Variants in DPYD observed in about 807,000 individuals in gnomAD.
DPYD encodes the protein dihydropyrimidine dehydrogenase [NADP(+)].
DPYD carries 109 observed loss-of-function variants against 116.2 expected under a neutral mutation model. The ratio of observed to expected loss-of-function variants is 0.94; its 90% CI spans 0.80 to 1.10. The LOEUF is 1.10. Ranked by LOEUF, DPYD falls within the 50% of genes least tolerant of loss-of-function variation. DPYD has a pLI of 0.00. For missense variants in DPYD, 1,302 were observed against 1,254.5 expected (o/e 1.04, Z -0.57); for synonymous variants, 440 against 432.0 (o/e 1.02, Z -0.23).
rs180693638 is a variant in DPYD, at chr1:97,838,504, T to C, written c.151-10308A>G. On this transcript the variant is annotated intron_variant, in intron 2 of 22. Transcript: ENST00000370192. ...TTCAAGTTACTCAATATTGTGTTCT[T>C]TCCAATTGTGTGTTTCCTCGGAGTA... Among the ~76,000 whole-genome samples, 223 of 152,350 alleles carry C rather than the reference T, an allele frequency of 1.5e-3. 1 individual carries two copies. Among genetic ancestry groups the C allele is most frequent in the African/African-American group, 5.1e-3 (214 of 41,582 alleles).
chr1:97,191,986 G>A lies in DPYD; in HGVS notation c.2622+1083C>T, dbSNP rs370902568. 3.0e-4 allele frequency among the ~76,000 whole-genome samples: 45 copies of A among 152,154 alleles called. No homozygotes were observed. In the East Asian group the frequency reaches 7.5e-3, roughly 25 times the overall value. On this transcript the variant is annotated intron_variant, in intron 20 of 22. Transcript: ENST00000370192. ...TATTAATGTCACAGTCTTTCTGTTT[G>A]ATTGCCACTCATGGAGTCATTCATC...
chr1:97,201,103 G>A (rs1659170199), intron 19 of DPYD, among the ~76,000 whole-genome samples: 1 of 152,010 alleles, frequency 6.6e-6, no homozygotes, highest in African/African-American at 2.4e-5. Flanking sequence ...TGAGATGAAA[G>A]TCTTACATAT....
At chr1:97,916,737 G>T (rs924330344) in intron 1 of DPYD, among the ~76,000 whole-genome samples, 4 of 152,136 alleles carry the variant, frequency 2.6e-5, no homozygotes, top group Non-Finnish European at 5.9e-5. Flanking sequence ...GCAAAGGATA[G>T]AATTTTTCTT....
At chr1:97,364,833 A>T (rs921260864) in intron 16 of DPYD, among the ~76,000 whole-genome samples, 5 of 152,124 alleles carry the variant, frequency 3.3e-5, no homozygotes, top group African/African-American at 1.2e-4. Context: ...CGTAATTTTA[A>T]TAACTTTATT....
At chr1:97,211,435 C>G (rs896286249) in intron 19 of DPYD, among the ~76,000 whole-genome samples, 6 of 152,064 alleles carry the variant, frequency 3.9e-5, no homozygotes, top group African/African-American at 1.4e-4. Flanking sequence ...ACTAATGTGC[C>G]TGGTACCCAT....
At chr1:97,680,198 G>C (rs1005874449) in intron 7 of DPYD, among the ~76,000 whole-genome samples, 1 of 152,110 alleles carries the variant, frequency 6.6e-6, no homozygotes, top group Non-Finnish European at 1.5e-5. Context: ...GGTCTGTGAA[G>C]TAAGAGCTAT....
At chr1:97,786,650 C>A (rs899156557) in intron 3 of DPYD, among the ~76,000 whole-genome samples, 2 of 152,106 alleles carry the variant, frequency 1.3e-5, no homozygotes, top group East Asian at 3.9e-4. Flanking sequence ...AGAATAGACA[C>A]CTGAAGTTTA....
chr1:97,600,836 T>C (rs2786497), intron 8 of DPYD, among the ~76,000 whole-genome samples: 2,445 of 152,286 alleles, frequency 0.016, 57 homozygotes, highest in African/African-American at 0.055. Flanking sequence ...TATTATTACA[T>C]ATTTAAGTGG....
chr1:97,288,754 C>T (rs555334327), intron 18 of DPYD, among the ~76,000 whole-genome samples: 1 of 149,450 alleles, frequency 6.7e-6, no homozygotes, highest in Non-Finnish European at 1.5e-5. Context: ...AAAATTGACA[C>T]CCTAACATCA....
intron 2 of DPYD, among the ~76,000 whole-genome samples, chr1:97,838,638 G>A (rs1669890519): frequency 6.6e-6 from 1 of 151,906 alleles, no homozygotes; most frequent in Admixed American, 6.6e-5. Flanking sequence ...GAGGTCAGGA[G>A]ATCGAGACCA....
chr1:97,142,440 T>C (rs910175206), intron 20 of DPYD, among the ~76,000 whole-genome samples: 1 of 152,012 alleles, frequency 6.6e-6, no homozygotes, highest in Admixed American at 6.6e-5. Flanking sequence ...CGAATCTCTC[T>C]TTTTCTCAAG....
At chr1:97,195,634 G>GTGTA (rs1557929544) in intron 19 of DPYD, among the ~76,000 whole-genome samples, 4 of 57,734 alleles carry the variant, frequency 6.9e-5, no homozygotes, top group African/African-American at 1.9e-4. Flanking sequence ...ATATGTATGT[G>GTGTA]TATATATATA....
chr1:97,126,671 C>T (rs1652866833), intron 20 of DPYD, among the ~76,000 whole-genome samples: 1 of 152,160 alleles, frequency 6.6e-6, no homozygotes, highest in Non-Finnish European at 1.5e-5. Flanking sequence ...ACCTGACTTT[C>T]CCTCAGGCCT....
At chr1:97,567,112 T>C (rs747255787) in intron 11 of DPYD, among the ~76,000 whole-genome samples, 7 of 152,160 alleles carry the variant, frequency 4.6e-5, no homozygotes, top group Admixed American at 2.0e-4. Context: ...TAGCAGGCCA[T>C]TTCTTGCCTA....
intron 14 of DPYD, among the ~76,000 whole-genome samples, chr1:97,389,759 C>A (rs1430621138): frequency 2.0e-5 from 3 of 151,282 alleles, no homozygotes; most frequent in Non-Finnish European, 2.9e-5. Context: ...CATTTTGAAG[C>A]ATATAAAATG....
chr1:97,522,114 C>A (rs566833866), intron 12 of DPYD, among the ~76,000 whole-genome samples: 3 of 152,246 alleles, frequency 2.0e-5, no homozygotes, highest in African/African-American at 7.2e-5. Context: ...TCAGAGTGAA[C>A]AGGCAACCTA....
At chr1:97,671,176 T>G (rs1168945409) in intron 8 of DPYD, among the ~76,000 whole-genome samples, 1 of 151,706 alleles carries the variant, frequency 6.6e-6, no homozygotes, top group East Asian at 1.9e-4. Flanking sequence ...ACATCATGAG[T>G]TAATAGGGTT....
intron 14 of DPYD, among the ~76,000 whole-genome samples, chr1:97,434,429 C>T (rs1675351554): frequency 6.6e-6 from 1 of 151,990 alleles, no homozygotes; most frequent in South Asian, 2.1e-4. Flanking sequence ...AAAAAATAGC[C>T]AACTGTGAAA....
chr1:97,477,604 C>CTTCTTTT lies in DPYD; in HGVS notation c.1741-27382_1741-27381insAAAAGAA, dbSNP rs1678043959. Among the ~76,000 whole-genome samples the CTTCTTTT allele has an allele frequency of 3.7e-4, 42 of 113,674 alleles. 1 individual carries two copies. The highest frequency in any genetic ancestry group is 1.4e-3 in the African/African-American group (41 of 29,602). The allele number at this position is 113,674 out of a possible 152,430, so 74.6% of individuals were successfully genotyped here. On this transcript the variant is annotated intron_variant, in intron 13 of 22. Coordinates refer to ENST00000370192, the MANE Select transcript of DPYD (RefSeq NM_000110.4). The stretch of plus-strand genomic sequence containing the variant: ...CTGACCTCCTTCCATGACTGTTCTT[C>CTTCTTTT]TTTTTTTTTTTTTTTTTTTTTTTTT...
Sources: gnomAD v4.1 joint callset for allele counts (sites outside exome capture counted in the v4.1 genomes callset) on GRCh38, gnomAD v4.1.1 for gene constraint, MANE v1.5 for transcripts, NCBI Gene and HGNC (gene_info 2026-07-23, HGNC 2026-07-21) for gene names.